The following DLG2 variants were observed in gnomAD, a reference collection of about 807,000 sequenced individuals.
The protein encoded by DLG2 is disks large homolog 2.
In DLG2, 45 loss-of-function variants were observed where a neutral mutation model predicts 132.5. The ratio of observed to expected loss-of-function variants is 0.34; its 90% CI spans 0.27 to 0.44. The LOEUF (loss-of-function observed/expected upper bound fraction) is 0.44. Ranked by LOEUF, DLG2 falls within the 20% of genes least tolerant of loss-of-function variation. DLG2 has a pLI of 1.00. For synonymous variants in DLG2, 424 were observed against 419.6 expected, an observed-to-expected ratio of 1.01 and a Z score of -0.13; for missense variants, 1,045 against 1,196.9, an observed-to-expected ratio of 0.87 and a Z score of 1.87.
At chr11:85,075,603 C>T (rs2066427778) in intron 6 of DLG2, among the ~76,000 whole-genome samples, 1 of 151,908 alleles carries the variant, frequency 6.6e-6, no homozygotes, top group South Asian at 2.1e-4. Flanking sequence ...CTATCTCTTT[C>T]TCACATACAC....
chr11:85,489,347 C>T (rs2093504705), intron 3 of DLG2, among the ~76,000 whole-genome samples: 1 of 152,126 alleles, frequency 6.6e-6, no homozygotes, highest in Non-Finnish European at 1.5e-5. Context: ...GGTATCAACT[C>T]AGCAAGAGGA....
intron 6 of DLG2, among the ~76,000 whole-genome samples, chr11:84,644,705 CAAA>C (rs61451048): frequency 4.2e-5 from 5 of 119,398 alleles, no homozygotes; most frequent in Admixed American, 1.7e-4. Context: ...GACTCCATTT[CAAA>C]AAAAAAAAAA....
chr11:85,181,801 C>T (rs934410496), intron 4 of DLG2, among the ~76,000 whole-genome samples: 3 of 151,334 alleles, frequency 2.0e-5, no homozygotes, highest in African/African-American at 4.8e-5. Context: ...TCTATTAGCT[C>T]GATATTTTCA....
chr11:84,236,185 C>A (rs919366043), intron 8 of DLG2, among the ~76,000 whole-genome samples: 2 of 152,102 alleles, frequency 1.3e-5, no homozygotes, highest in Non-Finnish European at 2.9e-5. Flanking sequence ...TTAAAGAATC[C>A]AGATAATTTC....
At chr11:84,893,347 C>G (rs1180336510) in intron 6 of DLG2, among the ~76,000 whole-genome samples, 1 of 152,148 alleles carries the variant, frequency 6.6e-6, no homozygotes, top group African/African-American at 2.4e-5. Context: ...AATGGTGGAC[C>G]ATCTCTGCGG....
intron 6 of DLG2, among the ~76,000 whole-genome samples, chr11:85,003,548 A>C (rs912769937): frequency 7.2e-5 from 11 of 152,204 alleles, no homozygotes; most frequent in Admixed American, 7.2e-4. Flanking sequence ...TACGTAAATA[A>C]TACAAAAATA....
chr11:84,847,503 A>G (rs1036241684), intron 6 of DLG2, among the ~76,000 whole-genome samples: 3 of 152,138 alleles, frequency 2.0e-5, no homozygotes, highest in African/African-American at 7.2e-5. Flanking sequence ...TAATGAAGGA[A>G]CTGTCCAGTT....
intron 19 of DLG2, among the ~76,000 whole-genome samples, chr11:83,623,702 T>G (rs1200326355): frequency 6.6e-6 from 1 of 152,246 alleles, no homozygotes; most frequent in Non-Finnish European, 1.5e-5. Flanking sequence ...CACAAGTATT[T>G]AAAGTTAATT....
At chr11:85,428,094 G>T (rs556796594) in intron 3 of DLG2, among the ~76,000 whole-genome samples, 132 of 152,312 alleles carry the variant, frequency 8.7e-4, no homozygotes, top group African/African-American at 2.9e-3. Flanking sequence ...AAATATGCAT[G>T]CACCCAATAC....
At chr11:85,126,357 A>G (rs2075112046) in intron 5 of DLG2, among the ~76,000 whole-genome samples, 1 of 152,230 alleles carries the variant, frequency 6.6e-6, no homozygotes. Context: ...TAGGTTGCTG[A>G]GAGTGATGTT....
chr11:84,063,388 G>A (rs1249891417), intron 10 of DLG2, among the ~76,000 whole-genome samples: 2 of 152,306 alleles, frequency 1.3e-5, no homozygotes, highest in African/African-American at 2.4e-5. Context: ...CGTATTCAAA[G>A]AGTCACATCT....
At chr11:85,352,865 A>G (rs2083401942) in intron 3 of DLG2, among the ~76,000 whole-genome samples, 1 of 152,210 alleles carries the variant, frequency 6.6e-6, no homozygotes, top group Admixed American at 6.5e-5. Context: ...TAAATGTTAG[A>G]CCAAAAACCA....
chr11:83,828,018 C>G (rs762364680), intron 17 of DLG2, among the ~76,000 whole-genome samples: 3 of 152,076 alleles, frequency 2.0e-5, no homozygotes, highest in Non-Finnish European at 4.4e-5. Flanking sequence ...CTTTGAGCAT[C>G]TTAAATATTT....
intron 4 of DLG2, among the ~76,000 whole-genome samples, chr11:85,225,342 A>G (rs2074910730): frequency 6.6e-6 from 1 of 152,120 alleles, no homozygotes; most frequent in African/African-American, 2.4e-5. Flanking sequence ...CAGCCCACTC[A>G]TCTCTCCGCA....
intron 7 of DLG2, among the ~76,000 whole-genome samples, chr11:84,507,833 G>A (rs11234057): frequency 0.15 from 22,360 of 152,092 alleles, 1,699 homozygotes; most frequent in South Asian, 0.26. Context: ...GCTTTATCAC[G>A]GTGTATTAAC....
chr11:84,272,138 T>C (rs1421071048), intron 7 of DLG2: 1 of 211,160 alleles, frequency 4.7e-6, no homozygotes, highest in Admixed American at 5.7e-5. Flanking sequence ...CAAGATCAAC[T>C]TACCGTGATC....
intron 21 of DLG2, among the ~76,000 whole-genome samples, chr11:83,525,128 C>G (rs923979257): frequency 1.3e-5 from 2 of 152,164 alleles, no homozygotes; most frequent in African/African-American, 2.4e-5. Flanking sequence ...ATGAGGAATA[C>G]ATAAAATAAT....
chr11:84,777,465 T>G (rs985928643), intron 6 of DLG2, among the ~76,000 whole-genome samples: 7 of 151,340 alleles, frequency 4.6e-5, no homozygotes, highest in Non-Finnish European at 8.8e-5. Flanking sequence ...GCAGATAGCT[T>G]AGAGTGGGAT....
At chr11:83,770,718 C>T (rs961339848) in intron 18 of DLG2, among the ~76,000 whole-genome samples, 4 of 152,058 alleles carry the variant, frequency 2.6e-5, no homozygotes, top group East Asian at 1.9e-4. Flanking sequence ...GTTCTGTACT[C>T]TCAGGCTTTC....
Sources: gnomAD v4.1 joint callset for allele counts (sites outside exome capture counted in the v4.1 genomes callset) on GRCh38, gnomAD v4.1.1 for gene constraint, MANE v1.5 for transcripts, NCBI Gene and HGNC (gene_info 2026-07-23, HGNC 2026-07-21) for gene names.